The following LRFN2 variants were observed in gnomAD, a reference collection of about 807,000 sequenced individuals.
The protein encoded by LRFN2 is leucine rich repeat and fibronectin type III domain containing 2.
In LRFN2, 18 loss-of-function variants were observed where a neutral mutation model predicts 37.3. The ratio of observed to expected loss-of-function variants is 0.48; its 90% CI spans 0.33 to 0.72. The LOEUF is 0.72. LRFN2 is among the 30% of genes least tolerant of loss of function. LRFN2 has a pLI of 0.02. For missense variants in LRFN2, 1,006 were observed against 1,060.7 expected (o/e 0.95, Z 0.72); for synonymous variants, 556 against 466.6 (o/e 1.19, Z -2.47).
chr6:40,571,457 C>A (rs1052433212), intron 1 of LRFN2, among the ~76,000 whole-genome samples: 1 of 152,220 alleles, frequency 6.6e-6, no homozygotes, highest in Non-Finnish European at 1.5e-5. Context: ...GGACTGCAGA[C>A]AACTTGCAGC....
chr6:40,525,207 C>T (rs1766216850), intron 1 of LRFN2, among the ~76,000 whole-genome samples: 2 of 152,206 alleles, frequency 1.3e-5, no homozygotes, highest in Non-Finnish European at 2.9e-5. Context: ...GACACAGGAG[C>T]ATTCCATAGG....
rs368583078 is a variant in LRFN2, at chr6:40,435,014, CATATATATATATAT to C, written c.-18-1897_-18-1884del. ...ATCCCTTTCTTGAGCAATGGTTTTA[CATATATATATATAT>C]ATATATATATATATATATATATATA... is the stretch of plus-strand genomic sequence containing the variant. On this transcript the variant is annotated intron_variant, in intron 1 of 2. Transcript: ENST00000338305. Among the ~76,000 whole-genome samples the C allele has an allele frequency of 2.0e-3, 98 of 47,994 alleles. 1 individual carries two copies. Among genetic ancestry groups the C allele is most frequent in the East Asian group, 0.012 (18 of 1,536 alleles). The allele number at this position is 47,994 out of a possible 152,430, so 31.5% of individuals were successfully genotyped here.
intron 2 of LRFN2, among the ~76,000 whole-genome samples, chr6:40,408,436 T>C (rs1762893417): frequency 6.6e-6 from 1 of 152,028 alleles, no homozygotes; most frequent in South Asian, 2.1e-4. Context: ...GGAGACAGCA[T>C]TTGGGGAGGG....
At chr6:40,428,367 G>A (rs997706401) in intron 2 of LRFN2, among the ~76,000 whole-genome samples, 3 of 152,174 alleles carry the variant, frequency 2.0e-5, no homozygotes, top group African/African-American at 4.8e-5. Context: ...TACAGCATGT[G>A]CTCCTCTTTA....
chr6:40,578,207 T>C (rs2113798665), intron 1 of LRFN2, among the ~76,000 whole-genome samples: 1 of 152,350 alleles, frequency 6.6e-6, no homozygotes, highest in African/African-American at 2.4e-5. Flanking sequence ...TGCCATTTCA[T>C]GTGGACCCCG....
At position 40,524,518 on chromosome 6, in the gene LRFN2, C is replaced by G. The variant is rs186343534; in HGVS notation, c.-19+62423G>C. On this transcript the variant is annotated intron_variant, in intron 1 of 2. Coordinates refer to ENST00000338305, the MANE Select transcript of LRFN2 (RefSeq NM_020737.3). ...CTGTGAAGTAAATAAAGCTTGGCCT[C>G]TGGGGTCCCATTTTTGTACCTTTTC... Among the ~76,000 whole-genome samples the G allele has an allele frequency of 1.6e-4, 25 of 152,220 alleles. 1 individual carries two copies. In the East Asian group the frequency reaches 4.5e-3, roughly 27 times the overall value.
rs550041055 is a variant in LRFN2 at position 40,570,527 on chromosome 6, C to T, written c.-19+16414G>A. Among the ~76,000 whole-genome samples the T allele has an allele frequency of 4.6e-5, 7 of 152,188 alleles. No individual in the cohort carries two copies. In the East Asian group the frequency reaches 7.8e-4, roughly 17 times the overall value. On this transcript the variant is annotated intron_variant, in intron 1 of 2. Transcript: ENST00000338305. ...CCAGTCTGCACTTTTAACCCTGGGC[C>T]GCCCTGTCCCTTCCCCATTCCTGCC...
intron 1 of LRFN2, among the ~76,000 whole-genome samples, chr6:40,531,321 T>C (rs983105267): frequency 6.6e-6 from 1 of 152,358 alleles, no homozygotes; most frequent in East Asian, 1.9e-4. Context: ...TATTTATTGA[T>C]GTGAGCACAT....
At position 40,527,438 on chromosome 6, in the gene LRFN2, G is replaced by A. The variant is rs138720357; in HGVS notation, c.-19+59503C>T. 1.4e-3 allele frequency among the ~76,000 whole-genome samples: 206 copies of A among 152,318 alleles called. 1 individual carries two copies. The highest frequency in any genetic ancestry group is 4.9e-3 in the African/African-American group (203 of 41,568). ...CAGTGAGACAAGATATTTACCTAAA[G>A]CTACACAGACAGCAAGGGGTCGGAC... On this transcript the variant is annotated intron_variant, in intron 1 of 2. Transcript: ENST00000338305.
intron 1 of LRFN2, among the ~76,000 whole-genome samples, chr6:40,577,503 T>G (rs1767309969): frequency 6.6e-6 from 1 of 151,044 alleles, no homozygotes. Flanking sequence ...TACATACGTA[T>G]ACATGTGCCA....
At chr6:40,579,853 C>T (rs1767363024) in intron 1 of LRFN2, among the ~76,000 whole-genome samples, 1 of 118,774 alleles carries the variant, frequency 8.4e-6, no homozygotes, top group Non-Finnish European at 1.9e-5. Flanking sequence ...AGTAGGCATT[C>T]AATTAATGCT....
At chr6:40,397,206 C>T (rs1043162431) in intron 2 of LRFN2, among the ~76,000 whole-genome samples, 6 of 152,176 alleles carry the variant, frequency 3.9e-5, no homozygotes, top group African/African-American at 1.4e-4. Flanking sequence ...CAAAACCATC[C>T]ACTGATCCTC....
chr6:40,392,283 C>T lies in LRFN2; in HGVS notation c.2030G>A (p.Arg677Lys). 6.2e-7 allele frequency: 1 copy of T among 1,605,986 alleles called. No homozygotes were observed. Among genetic ancestry groups the T allele is most frequent in the Non-Finnish European group, 8.5e-7 (1 of 1,176,816 alleles). The change falls in exon 3 of 3, where the codon AGG becomes AAG. Residue 677 changes from arginine (R) to lysine (K), a missense_variant. Arg to Lys is a conservative substitution (Grantham distance 26). Coordinates refer to ENST00000338305, the MANE Select transcript of LRFN2 (RefSeq NM_020737.3). The surrounding 1 kb of genome is among the most constrained non-coding windows in gnomAD (Gnocchi z 4.7). ...SQRKEELLDS[R>K]TPAGRGAGTS... ...CCCAGCCCCTCTCCCGGCTGGAGTC[C>T]TGGAGTCCAGCAGCTCCTCCTTTCT...
intron 1 of LRFN2, among the ~76,000 whole-genome samples, chr6:40,547,791 T>C (rs1766694242): frequency 6.6e-6 from 1 of 152,176 alleles, no homozygotes; most frequent in Non-Finnish European, 1.5e-5. Flanking sequence ...ACTGCTCACA[T>C]ATTCTCTGGG....
chr6:40,546,515 C>A (rs1766666538), intron 1 of LRFN2, among the ~76,000 whole-genome samples: 1 of 152,144 alleles, frequency 6.6e-6, no homozygotes, highest in South Asian at 2.1e-4. Context: ...GGTGGGAAGT[C>A]CAGGAAGCCT....
At chr6:40,443,288 C>T (rs6458156) in intron 1 of LRFN2, among the ~76,000 whole-genome samples, 1 of 152,106 alleles carries the variant, frequency 6.6e-6, no homozygotes, top group Non-Finnish European at 1.5e-5. Context: ...GTTTTTGAGC[C>T]CCCACAGATT....
intron 1 of LRFN2, among the ~76,000 whole-genome samples, chr6:40,473,758 C>T (rs1308527346): frequency 4.6e-5 from 7 of 152,228 alleles, no homozygotes; most frequent in South Asian, 2.1e-4. Flanking sequence ...CAACAAGCCT[C>T]GGCGTATGAT....
At chr6:40,465,055 T>A (rs1449411331) in intron 1 of LRFN2, among the ~76,000 whole-genome samples, 1 of 152,084 alleles carries the variant, frequency 6.6e-6, no homozygotes, top group African/African-American at 2.4e-5. Context: ...TCCAATATAA[T>A]CAATAGGGTC....
chr6:40,496,918 CT>C (rs1236936107), intron 1 of LRFN2, among the ~76,000 whole-genome samples: 5 of 152,052 alleles, frequency 3.3e-5, no homozygotes, highest in African/African-American at 9.7e-5. Context: ...GCTGATGGGC[CT>C]TGAAAATCCA....
Sources: allele counts gnomAD v4.1 joint callset (sites outside exome capture counted in the v4.1 genomes callset), GRCh38; gene constraint gnomAD v4.1.1; non-coding constraint Gnocchi (gnomAD v3.1); transcripts MANE v1.5; gene names NCBI Gene and HGNC (gene_info 2026-07-23, HGNC 2026-07-21).